The following DENND5B variants were observed in gnomAD, a reference collection of about 807,000 sequenced individuals.
The protein encoded by DENND5B is DENN domain-containing protein 5B.
DENND5B carries 34 observed loss-of-function variants against 140.6 expected under a neutral mutation model. The observed-to-expected ratio is 0.24, with a 90% CI of 0.18 to 0.32. DENND5B has a LOEUF of 0.32. DENND5B is among the 10% of genes least tolerant of loss of function. The pLI is 1.00. For synonymous variants in DENND5B, 551 were observed against 562.1 expected, an observed-to-expected ratio of 0.98 and a Z score of 0.28; for missense variants, 1,142 against 1,560.2, an observed-to-expected ratio of 0.73 and a Z score of 4.52.
At chr12:31,460,445 C>A in intron 3 of DENND5B, 64 bp from the exon 4 acceptor site, 1 of 1,509,486 alleles carries the variant, frequency 6.6e-7, no homozygotes, top group Admixed American at 2.2e-5. Flanking sequence ...CTTCATTAAG[C>A]TGGAAAATGT....
chr12:31,567,301 GAGCA>G (rs1205011335), intron 1 of DENND5B, among the ~76,000 whole-genome samples: 3 of 141,980 alleles, frequency 2.1e-5, no homozygotes, highest in African/African-American at 7.9e-5. Flanking sequence ...CTGTGTGCCA[GAGCA>G]AGACCTTGTC....
chr12:31,476,306 A>G (rs966527185), intron 3 of DENND5B, among the ~76,000 whole-genome samples: 1 of 151,636 alleles, frequency 6.6e-6, no homozygotes, highest in Non-Finnish European at 1.5e-5. Context: ...AAATGTAGTA[A>G]TATGTTGAAC....
chr12:31,418,578 G>A (rs962611966), intron 11 of DENND5B, among the ~76,000 whole-genome samples: 4 of 151,804 alleles, frequency 2.6e-5, no homozygotes, highest in Non-Finnish European at 5.9e-5. Flanking sequence ...ATAGGCATGA[G>A]CCATCACACC....
intron 1 of DENND5B, among the ~76,000 whole-genome samples, chr12:31,559,600 CTTAA>C (rs1470398560): frequency 1.3e-5 from 2 of 151,996 alleles, no homozygotes; most frequent in Admixed American, 6.6e-5. Context: ...TACTGTTTAG[CTTAA>C]TTAAAGTGTA....
chr12:31,558,135 A>G (rs557198835), intron 1 of DENND5B, among the ~76,000 whole-genome samples: 1 of 152,318 alleles, frequency 6.6e-6, no homozygotes, highest in South Asian at 2.1e-4. Context: ...AGCGCTAGAG[A>G]TACTCAGACA....
At chr12:31,398,434 A>C (rs560370567) in intron 16 of DENND5B, 72 bp from the exon 17 acceptor site, 1 of 1,414,138 alleles carries the variant, frequency 7.1e-7, no homozygotes, top group East Asian at 2.5e-5. Context: ...CCCCCTGAGT[A>C]GTTGAGACTA....
chr12:31,501,880 C>T (rs568550704), intron 1 of DENND5B, among the ~76,000 whole-genome samples: 2 of 151,812 alleles, frequency 1.3e-5, no homozygotes, highest in Admixed American at 6.6e-5. Context: ...TACCATACTA[C>T]GAGAGGTTAA....
intron 1 of DENND5B, among the ~76,000 whole-genome samples, chr12:31,516,008 G>A (rs80067230): frequency 0.011 from 1,730 of 152,164 alleles, 19 homozygotes; most frequent in East Asian, 0.031. Context: ...TACTCTTTCC[G>A]AAAAAAGTGA....
chr12:31,507,558 T>C (rs1947250006), intron 1 of DENND5B, among the ~76,000 whole-genome samples: 1 of 152,138 alleles, frequency 6.6e-6, no homozygotes, highest in African/African-American at 2.4e-5. Flanking sequence ...TCTCTGATAA[T>C]AAGGAATAAA....
chr12:31,410,461 A>G (rs1343698729), intron 13 of DENND5B, among the ~76,000 whole-genome samples: 1 of 152,152 alleles, frequency 6.6e-6, no homozygotes, highest in East Asian at 1.9e-4. Flanking sequence ...GCTGGAGTGC[A>G]GCGATGCAGT....
intron 1 of DENND5B, 154 bp downstream of exon 1, chr12:31,590,552 A>T: frequency 3.2e-6 from 3 of 942,084 alleles, no homozygotes; most frequent in East Asian, 3.5e-5. Flanking sequence ...CAATGTCATT[A>T]AATCGCGCCC....
rs778860846 is a variant in DENND5B at position 31,402,488 on chromosome 12, C to T, written c.2949+10G>A. 4.3e-6 allele frequency: 7 copies of T among 1,611,792 alleles called. No individual in the cohort carries two copies. The East Asian group carries it at 1.6e-4, about 36-fold the overall frequency. On this transcript the variant is annotated intron_variant, in intron 15 of 20. Transcript: ENST00000389082. ...TACATTCTTCTAGGAAAGGTATTAG[C>T]TGAACCTACCTCAAAGGTCATTTCG...
intron 7 of DENND5B, among the ~76,000 whole-genome samples, chr12:31,434,781 C>G (rs188122544): frequency 6.6e-6 from 1 of 152,130 alleles, no homozygotes; most frequent in Non-Finnish European, 1.5e-5. Context: ...GTCTAACATG[C>G]AACTTCACCT....
At chr12:31,505,920 G>A (rs1285552769) in intron 1 of DENND5B, among the ~76,000 whole-genome samples, 1 of 151,852 alleles carries the variant, frequency 6.6e-6, no homozygotes, top group Non-Finnish European at 1.5e-5. Context: ...CTGCTGCCTG[G>A]ACCTCCCAGG....
At position 31,442,929 on chromosome 12, in the gene DENND5B, T is replaced by C; in HGVS notation, c.1862-4A>G. 6.5e-7 allele frequency: 1 copy of C among 1,550,308 alleles called. No individual in the cohort carries two copies. Among genetic ancestry groups the C allele is most frequent in the Non-Finnish European group, 8.7e-7 (1 of 1,147,108 alleles). On this transcript the variant is annotated splice_region_variant and splice_polypyrimidine_tract_variant and intron_variant, in intron 6 of 20. Transcript: ENST00000389082. ...AGTCTCTGCTCAATTGATTGGGCTATAAATTAAATTTATAATAAATTAGAG... is the reference window on the plus strand; with the variant it reads ...AGTCTCTGCTCAATTGATTGGGCTACAAATTAAATTTATAATAAATTAGAG...
At chr12:31,439,130 T>A (rs1031520829) in intron 7 of DENND5B, among the ~76,000 whole-genome samples, 1 of 152,246 alleles carries the variant, frequency 6.6e-6, no homozygotes, top group Admixed American at 6.5e-5. Context: ...TAAGCATAAT[T>A]TTACCAATGA....
At chr12:31,459,315 A>G (rs1944915376) in intron 4 of DENND5B, among the ~76,000 whole-genome samples, 1 of 152,148 alleles carries the variant, frequency 6.6e-6, no homozygotes, top group East Asian at 1.9e-4. Flanking sequence ...TATTTTTGAG[A>G]CGGAATCTCG....
intron 1 of DENND5B, among the ~76,000 whole-genome samples, chr12:31,579,913 T>G (rs1013501314): frequency 1.3e-5 from 2 of 151,674 alleles, no homozygotes; most frequent in South Asian, 4.2e-4. Flanking sequence ...AGTCAAGCCT[T>G]AGGTAGAACA....
intron 17 of DENND5B, 134 bp from the exon 18 acceptor site, chr12:31,392,830 A>T: frequency 1.2e-6 from 1 of 833,074 alleles, no homozygotes; most frequent in Non-Finnish European, 1.8e-6. Flanking sequence ...GCTCCATAGA[A>T]CTTGCCTCTG....
Sources: gnomAD v4.1 joint callset for allele counts (sites outside exome capture counted in the v4.1 genomes callset) on GRCh38, gnomAD v4.1.1 for gene constraint, MANE v1.5 for transcripts, NCBI Gene and HGNC (gene_info 2026-07-23, HGNC 2026-07-21) for gene names.